Variants in ROR1 observed in about 807,000 individuals in gnomAD.
ROR1 encodes inactive tyrosine-protein kinase transmembrane receptor ROR1.
ROR1 carries 19 observed loss-of-function variants against 78.8 expected under a neutral mutation model. The observed-to-expected ratio is 0.24, with a 90% CI of 0.17 to 0.35. ROR1 has a LOEUF of 0.35. Among genes scored for constraint, ROR1 ranks in the 10% least tolerant of loss-of-function variants. The probability of loss-of-function intolerance (pLI) is 1.00; values close to 1 mark genes in which losing one functional copy is unlikely to be tolerated. For missense variants in ROR1, 917 were observed against 1,177.8 expected (o/e 0.78, Z 3.24); for synonymous variants, 386 against 433.6 (o/e 0.89, Z 1.36).
chr1:64,066,030 C>T (rs1015611456), intron 4 of ROR1, among the ~76,000 whole-genome samples: 4 of 152,092 alleles, frequency 2.6e-5, no homozygotes, highest in African/African-American at 4.8e-5. Context: ...TGGGATGGGA[C>T]GTGTTCCATA....
At chr1:63,842,076 G>C (rs1325721895) in intron 1 of ROR1, among the ~76,000 whole-genome samples, 2 of 152,118 alleles carry the variant, frequency 1.3e-5, no homozygotes, top group Non-Finnish European at 2.9e-5. Context: ...TCAAACCACT[G>C]TCCAAACTTC....
At chr1:64,094,463 C>T (rs1315058374) in intron 4 of ROR1, 1 of 152,172 alleles carries the variant, frequency 6.6e-6, no homozygotes, top group Admixed American at 6.6e-5. Context: ...CTTACATCTC[C>T]GGTTTACTTT....
intron 1 of ROR1, among the ~76,000 whole-genome samples, chr1:63,983,991 C>T (rs1043047045): frequency 1.3e-5 from 2 of 152,200 alleles, no homozygotes; most frequent in African/African-American, 2.4e-5. Flanking sequence ...GCAAGGCACA[C>T]ATAACCCTTT....
Position 63,927,126 on chromosome 1 carries a change from G to A in ROR1, c.92-82179G>A, listed in dbSNP as rs1305438617. ...AATGCTTCCAGTTTTTGTCCATTCA[G>A]TATGATATTGGCTGTGGTTTTGTCA... is the stretch of plus-strand genomic sequence containing the variant. On this transcript the variant is annotated intron_variant, in intron 1 of 8. Transcript: ENST00000371079. Among the ~76,000 whole-genome samples, 49 of 61,152 alleles carry A rather than the reference G, an allele frequency of 8.0e-4. 12 individuals are homozygous for A. The highest frequency in any genetic ancestry group is 1.6e-3 in the African/African-American group (48 of 29,340). The allele number at this position is 61,152 out of a possible 152,430, so 40.1% of individuals were successfully genotyped here.
At chr1:64,171,862 T>C (rs1368532761) in intron 8 of ROR1, among the ~76,000 whole-genome samples, 1 of 152,236 alleles carries the variant, frequency 6.6e-6, no homozygotes, top group East Asian at 1.9e-4. Context: ...AGGCTTCATG[T>C]TGCATACAAA....
intron 7 of ROR1, among the ~76,000 whole-genome samples, chr1:64,148,144 G>A (rs555506438): frequency 7.9e-5 from 12 of 152,238 alleles, no homozygotes; most frequent in African/African-American, 2.6e-4. Context: ...GACACTTTTA[G>A]GCATTATCTC....
chr1:63,992,564 G>A (rs1646304974), intron 1 of ROR1, among the ~76,000 whole-genome samples: 1 of 152,152 alleles, frequency 6.6e-6, no homozygotes, highest in South Asian at 2.1e-4. Context: ...GAGATGGACT[G>A]TATAGACACA....
chr1:64,033,377 C>G (rs1407369691), intron 2 of ROR1, among the ~76,000 whole-genome samples: 2 of 152,160 alleles, frequency 1.3e-5, no homozygotes, highest in African/African-American at 4.8e-5. Flanking sequence ...GATGAGTAAA[C>G]TGAGGCTCAG....
chr1:63,918,652 G>A (rs1645629107), intron 1 of ROR1, among the ~76,000 whole-genome samples: 1 of 152,106 alleles, frequency 6.6e-6, no homozygotes, highest in Non-Finnish European at 1.5e-5. Flanking sequence ...AATTCCTTTT[G>A]TTTAAAAATT....
At chr1:64,047,519 A>T (rs1293993638) in intron 2 of ROR1, among the ~76,000 whole-genome samples, 8 of 152,158 alleles carry the variant, frequency 5.3e-5, no homozygotes, top group Non-Finnish European at 1.5e-5. Context: ...AAATTCCAGA[A>T]CCTGTCCAAT....
chr1:63,891,522 C>A (rs1284794941), intron 1 of ROR1, among the ~76,000 whole-genome samples: 1 of 152,108 alleles, frequency 6.6e-6, no homozygotes, highest in African/African-American at 2.4e-5. Flanking sequence ...TAGGTGTCAA[C>A]TTGACTAGGC....
chr1:64,079,118 C>T (rs538157159), intron 4 of ROR1, among the ~76,000 whole-genome samples: 1 of 152,178 alleles, frequency 6.6e-6, no homozygotes, highest in Admixed American at 6.5e-5. Context: ...CTATTCCATG[C>T]AGCTTCAGGA....
chr1:63,831,888 A>C (rs1166652360), intron 1 of ROR1, among the ~76,000 whole-genome samples: 1 of 152,208 alleles, frequency 6.6e-6, no homozygotes. Flanking sequence ...GTGAATGTCT[A>C]TGACTGTATG....
intron 1 of ROR1, among the ~76,000 whole-genome samples, chr1:63,880,796 A>C (rs908727113): frequency 1.3e-5 from 2 of 152,128 alleles, no homozygotes; most frequent in Non-Finnish European, 2.9e-5. Context: ...CCATCCATCC[A>C]TCCATCCACG....
At chr1:64,138,485 G>A (rs1344233789) in intron 5 of ROR1, among the ~76,000 whole-genome samples, 1 of 151,978 alleles carries the variant, frequency 6.6e-6, no homozygotes, top group Non-Finnish European at 1.5e-5. Context: ...CTATGTGGAA[G>A]CTATGTGCTA....
At chr1:64,135,774 T>C (rs1264985638) in intron 4 of ROR1, among the ~76,000 whole-genome samples, 1 of 152,242 alleles carries the variant, frequency 6.6e-6, no homozygotes, top group Non-Finnish European at 1.5e-5. Flanking sequence ...TATGATATAT[T>C]CATTTGTATG....
intron 1 of ROR1, among the ~76,000 whole-genome samples, chr1:63,917,047 AACATT>A (rs1645614396): frequency 6.6e-6 from 1 of 152,172 alleles, no homozygotes; most frequent in Non-Finnish European, 1.5e-5. Context: ...TCCTTAAGTC[AACATT>A]ACATATTATT....
intron 1 of ROR1, among the ~76,000 whole-genome samples, chr1:63,798,577 TGTA>T (rs1644776772): frequency 6.6e-6 from 1 of 152,178 alleles, no homozygotes; most frequent in African/African-American, 2.4e-5. Context: ...CACTTTGCCT[TGTA>T]AGTATAGACA....
At chr1:63,832,762 TAGTC>T (rs1644995695) in intron 1 of ROR1, among the ~76,000 whole-genome samples, 1 of 152,218 alleles carries the variant, frequency 6.6e-6, no homozygotes, top group African/African-American at 2.4e-5. Flanking sequence ...TTTACTTACA[TAGTC>T]AGTTTTATCC....
Sources: gnomAD v4.1 joint callset for allele counts (sites outside exome capture counted in the v4.1 genomes callset) on GRCh38, gnomAD v4.1.1 for gene constraint, MANE v1.5 for transcripts, NCBI Gene and HGNC (gene_info 2026-07-23, HGNC 2026-07-21) for gene names.